The following LAPTM4B variants were observed in gnomAD, a reference collection of about 807,000 sequenced individuals.
LAPTM4B encodes lysosomal protein transmembrane 4 beta.
In LAPTM4B, 26 loss-of-function variants were observed where a neutral mutation model predicts 28.5. The observed-to-expected ratio is 0.91, with a 90% CI of 0.67 to 1.27. The LOEUF (loss-of-function observed/expected upper bound fraction) is 1.27, where lower values mean the gene tolerates loss of function less well. Among genes scored for constraint, LAPTM4B ranks in the 50% most tolerant of loss-of-function variants. The pLI, the probability that LAPTM4B is intolerant of heterozygous loss-of-function variation, is 0.00. For synonymous variants in LAPTM4B, 109 were observed against 106.4 expected, an observed-to-expected ratio of 1.02 and a Z score of -0.15; for missense variants, 288 against 285.8, an observed-to-expected ratio of 1.01 and a Z score of -0.06.
chr8:97,829,104 C>T (rs899258708), intron 6 of LAPTM4B, among the ~76,000 whole-genome samples: 2 of 152,104 alleles, frequency 1.3e-5, no homozygotes, highest in Admixed American at 1.3e-4. Context: ...TGGGGTCCTG[C>T]ACCCAGACCC....
chr8:97,802,801 AGTTATAT>A (rs1352529045), intron 1 of LAPTM4B, among the ~76,000 whole-genome samples: 1 of 152,150 alleles, frequency 6.6e-6, no homozygotes, highest in Non-Finnish European at 1.5e-5. Flanking sequence ...TGTTTAAATT[AGTTATAT>A]GTATATGTAT....
chr8:97,818,629 C>T (rs541155865), intron 4 of LAPTM4B, among the ~76,000 whole-genome samples: 12 of 152,196 alleles, frequency 7.9e-5, no homozygotes, highest in Non-Finnish European at 1.2e-4. Flanking sequence ...GTACCATCAA[C>T]AAAAATGCTC....
At chr8:97,782,962 G>A (rs944543009) in intron 1 of LAPTM4B, among the ~76,000 whole-genome samples, 2 of 135,362 alleles carry the variant, frequency 1.5e-5, no homozygotes, top group African/African-American at 2.7e-5. Context: ...TAGTAGAGAC[G>A]GGGTTTCTCC....
At chr8:97,792,611 T>A (rs2513948) in intron 1 of LAPTM4B, among the ~76,000 whole-genome samples, 151,706 of 152,072 alleles carry the variant, frequency 1, 75,679 homozygotes, top group Middle Eastern at 1. Context: ...ACTAAATCTC[T>A]CTCTGTAGCG....
At chr8:97,848,892 A>G (rs1338999681) in intron 6 of LAPTM4B, among the ~76,000 whole-genome samples, 1 of 152,190 alleles carries the variant, frequency 6.6e-6, no homozygotes, top group African/African-American at 2.4e-5. Context: ...ATGCACACGC[A>G]GAGAAGACAG....
At chr8:97,778,961 G>A (rs1184839066) in intron 1 of LAPTM4B, among the ~76,000 whole-genome samples, 1 of 152,130 alleles carries the variant, frequency 6.6e-6, no homozygotes, top group East Asian at 1.9e-4. Context: ...TGGCTAGGGA[G>A]CAGGACCACT....
At position 97,823,032 on chromosome 8, in the gene LAPTM4B, A is replaced by G. The variant is rs376685209; in HGVS notation, c.508-2026A>G. Among the ~76,000 whole-genome samples, 24 of 151,974 alleles carry G rather than the reference A, an allele frequency of 1.6e-4. 1 individual carries two copies. In the East Asian group the frequency reaches 4.1e-3, roughly 26 times the overall value. On this transcript the variant is annotated intron_variant, in intron 5 of 6. Coordinates refer to ENST00000521545, the MANE Select transcript of LAPTM4B (RefSeq NM_018407.6). ...AGTTTTTTGTATTTTTACTAGAGAC[A>G]GGGTTTCATCGCGTTAGCCAGGGTG...
rs1423968849 is a variant in LAPTM4B at position 97,816,188 on chromosome 8, G to A, written c.408+8G>A. 9 of 1,580,920 alleles carry A rather than the reference G, an allele frequency of 5.7e-6. No homozygotes were observed. Among genetic ancestry groups the A allele is most frequent in the Admixed American group, 1.7e-5 (1 of 57,706 alleles). On this transcript the variant is annotated splice_region_variant and intron_variant, in intron 4 of 6. Coordinates refer to ENST00000521545, the MANE Select transcript of LAPTM4B (RefSeq NM_018407.6). ...GAATACATACGGCAACTGGTACGTG[G>A]ACCTCTTACTGCTCCTTTTCATTAA... is the stretch of plus-strand genomic sequence containing the variant.
intron 1 of LAPTM4B, among the ~76,000 whole-genome samples, chr8:97,782,521 G>A (rs1158643231): frequency 1.4e-5 from 2 of 147,104 alleles, no homozygotes; most frequent in Non-Finnish European, 3.0e-5. Context: ...TCACTGCAAC[G>A]TCTGCCTCCC....
intron 6 of LAPTM4B, among the ~76,000 whole-genome samples, chr8:97,846,409 C>A (rs1817435469): frequency 6.6e-6 from 1 of 151,374 alleles, no homozygotes; most frequent in African/African-American, 2.4e-5. Flanking sequence ...CTCACCACAG[C>A]CACCGCCTCC....
chr8:97,778,607 C>T (rs1164298841), intron 1 of LAPTM4B, among the ~76,000 whole-genome samples: 1 of 152,178 alleles, frequency 6.6e-6, no homozygotes, highest in Non-Finnish European at 1.5e-5. Context: ...GCGTTTGTGT[C>T]CGGTTGATAA....
chr8:97,797,592 A>G (rs1816610901), intron 1 of LAPTM4B, among the ~76,000 whole-genome samples: 2 of 152,200 alleles, frequency 1.3e-5, no homozygotes, highest in Non-Finnish European at 1.5e-5. Flanking sequence ...AGTTTTCACT[A>G]TTATACATAA....
intron 1 of LAPTM4B, among the ~76,000 whole-genome samples, chr8:97,792,043 AT>A (rs1378683776): frequency 1.3e-5 from 2 of 152,248 alleles, no homozygotes; most frequent in Non-Finnish European, 2.9e-5. Flanking sequence ...AAAAAATTAT[AT>A]CTGTTGAAAT....
chr8:97,798,263 A>T (rs1050493646), intron 1 of LAPTM4B, among the ~76,000 whole-genome samples: 1 of 151,970 alleles, frequency 6.6e-6, no homozygotes, highest in Non-Finnish European at 1.5e-5. Context: ...GGCTAATCCT[A>T]CCCCCAACCC....
chr8:97,811,165 G>A (rs1403872572), intron 2 of LAPTM4B, among the ~76,000 whole-genome samples: 1 of 152,184 alleles, frequency 6.6e-6, no homozygotes, highest in Non-Finnish European at 1.5e-5. Context: ...GGCTGGGAAT[G>A]TAAATCACGC....
chr8:97,789,708 A>G (rs1816468877), intron 1 of LAPTM4B, among the ~76,000 whole-genome samples: 1 of 151,396 alleles, frequency 6.6e-6, no homozygotes, highest in Non-Finnish European at 1.5e-5. Flanking sequence ...TTTAGTAGAG[A>G]TGGGATTTCT....
chr8:97,828,542 T>G (rs1028091228), intron 6 of LAPTM4B, among the ~76,000 whole-genome samples: 1 of 152,136 alleles, frequency 6.6e-6, no homozygotes, highest in African/African-American at 2.4e-5. Context: ...TCTGCCTGAT[T>G]AGTGAGTTTT....
intron 6 of LAPTM4B, among the ~76,000 whole-genome samples, chr8:97,830,243 G>T (rs781125127): frequency 6.6e-6 from 1 of 152,132 alleles, no homozygotes. Flanking sequence ...AATTAGGGAG[G>T]GGTAGAGGGT....
chr8:97,850,614 C>G (rs1475108363), intron 6 of LAPTM4B, among the ~76,000 whole-genome samples: 1 of 150,494 alleles, frequency 6.6e-6, no homozygotes, highest in African/African-American at 2.5e-5. Flanking sequence ...AGTGATATCC[C>G]TGATAGAAAA....
Sources: allele counts gnomAD v4.1 joint callset (sites outside exome capture counted in the v4.1 genomes callset), GRCh38; gene constraint gnomAD v4.1.1; transcripts MANE v1.5; gene names NCBI Gene and HGNC (gene_info 2026-07-23, HGNC 2026-07-21).